STK3: variants seen among roughly 807,000 people sequenced by gnomAD.
STK3 encodes serine/threonine-protein kinase 3.
Under a neutral mutation model 58.0 loss-of-function variants are expected in STK3, and 41 were observed. That is an observed-to-expected ratio of 0.71 (90% CI 0.55 to 0.92). STK3 has a LOEUF of 0.92. Among genes scored for constraint, STK3 ranks in the 40% least tolerant of loss-of-function variants. STK3 has a pLI of 0.00. For synonymous variants in STK3, 170 were observed against 191.0 expected (o/e 0.89, Z 0.91); for missense variants, 479 against 602.7 (o/e 0.79, Z 2.15).
intron 9 of STK3, among the ~76,000 whole-genome samples, chr8:98,536,655 CA>C (rs1157797458): frequency 2.0e-5 from 3 of 152,138 alleles, no homozygotes; most frequent in African/African-American, 7.2e-5. Flanking sequence ...CTAATGACAT[CA>C]TGAACTCACT....
chr8:98,452,757 A>AT (rs11329886), downstream of STK3, among the ~76,000 whole-genome samples: 74 of 110,446 alleles, frequency 6.7e-4, no homozygotes, highest in East Asian at 1.5e-3. Context: ...AGACTTGAAG[A>AT]TTTTTTTTTT....
chr8:98,589,515 G>C (rs940346377), intron 7 of STK3, among the ~76,000 whole-genome samples: 2 of 152,102 alleles, frequency 1.3e-5, no homozygotes. Context: ...GTCAGACAGG[G>C]ACATTTAAGT....
chr8:98,758,809 T>C (rs568220788), intron 3 of STK3, among the ~76,000 whole-genome samples: 1 of 152,388 alleles, frequency 6.6e-6, no homozygotes, highest in African/African-American at 2.4e-5. Flanking sequence ...GCAGCTTCTA[T>C]TTCAGCACTT....
rs1054671142 is a variant in STK3 at position 98,918,618 on chromosome 8, A to C, written c.-79+23760T>G. ...GACCCCGACTCTACAAAAAATAAAAAATTAGCTGTGGTGGTGGCATGAACC... is the reference window on the plus strand; with the variant it reads ...GACCCCGACTCTACAAAAAATAAAACATTAGCTGTGGTGGTGGCATGAACC... On this transcript the variant is annotated intron_variant, in intron 1 of 1. Transcript: ENST00000519420. 1.3e-4 allele frequency among the ~76,000 whole-genome samples: 19 copies of C among 151,996 alleles called. 1 individual carries two copies. The highest frequency in any genetic ancestry group is 4.4e-4 in the African/African-American group (18 of 41,360).
At chr8:98,376,083 G>T (rs1023114608) in intron 2 of STK3, among the ~76,000 whole-genome samples, 1 of 152,130 alleles carries the variant, frequency 6.6e-6, no homozygotes, top group South Asian at 2.1e-4. Flanking sequence ...TCAGCACTTG[G>T]TGCTATCAGT....
intron 3 of STK3, among the ~76,000 whole-genome samples, chr8:98,764,174 G>A (rs1266828495): frequency 1.3e-5 from 2 of 152,112 alleles, no homozygotes; most frequent in Non-Finnish European, 2.9e-5. Flanking sequence ...TATGTGCAAG[G>A]CATTCTGCTA....
rs189880511 is a variant in STK3, at chr8:98,867,233, T to C, written c.110+16414A>G. ...GAGTTGGAGACCAGCCTGGGCAACATGGTGAAACCCTGCCTCTACAAAAAA... is the reference window on the plus strand; with the variant it reads ...GAGTTGGAGACCAGCCTGGGCAACACGGTGAAACCCTGCCTCTACAAAAAA... On this transcript the variant is annotated intron_variant, in intron 3 of 12. Transcript: ENST00000523601. 7.8e-3 allele frequency among the ~76,000 whole-genome samples: 1,180 copies of C among 152,216 alleles called. 9 individuals carry two copies. The highest frequency in any genetic ancestry group is 0.021 in the African/African-American group (852 of 41,540).
chr8:98,872,381 T>C (rs1837409997), intron 3 of STK3, among the ~76,000 whole-genome samples: 1 of 152,214 alleles, frequency 6.6e-6, no homozygotes, highest in South Asian at 2.1e-4. Flanking sequence ...GAGGATTCAC[T>C]CTTGTTCTAT....
At chr8:98,918,647 G>A (rs1839435452) in intron 1 of STK3, among the ~76,000 whole-genome samples, 2 of 151,956 alleles carry the variant, frequency 1.3e-5, no homozygotes, top group Admixed American at 6.6e-5. Context: ...ATGAACCTGT[G>A]GTCTCAGCTA....
At chr8:98,516,523 T>A (rs1247039579) in intron 10 of STK3, among the ~76,000 whole-genome samples, 1 of 152,060 alleles carries the variant, frequency 6.6e-6, no homozygotes, top group Non-Finnish European at 1.5e-5. Flanking sequence ...ATTTGCAGAC[T>A]TGAGCTATAA....
chr8:98,778,532 A>G (rs1253169571), intron 1 of STK3, among the ~76,000 whole-genome samples: 13 of 152,204 alleles, frequency 8.5e-5, no homozygotes, highest in Admixed American at 7.2e-4. Flanking sequence ...ATTACTGGGT[A>G]TATACCCAAA....
the STK3 span, among the ~76,000 whole-genome samples, chr8:98,350,848 C>A: frequency 2.6e-5 from 4 of 152,168 alleles, no homozygotes; most frequent in Admixed American, 2.6e-4. Context: ...ATGGGAGCTA[C>A]AACTCAAAAT....
At chr8:98,900,820 C>G (rs1838629587) in intron 1 of STK3, among the ~76,000 whole-genome samples, 1 of 151,866 alleles carries the variant, frequency 6.6e-6, no homozygotes, top group African/African-American at 2.4e-5. Context: ...CGCCATGACA[C>G]CAAGCTAATT....
At chr8:98,650,137 T>A (rs1357855537) in intron 6 of STK3, among the ~76,000 whole-genome samples, 1 of 152,252 alleles carries the variant, frequency 6.6e-6, no homozygotes. Context: ...ACCTTTTGGA[T>A]ATCATAAGCA....
intron 6 of STK3, among the ~76,000 whole-genome samples, chr8:98,617,670 G>C (rs2130330021): frequency 6.6e-6 from 1 of 151,914 alleles, no homozygotes; most frequent in Admixed American, 6.5e-5. Flanking sequence ...TACCATCAGA[G>C]AATACTACAA....
intron 3 of STK3, among the ~76,000 whole-genome samples, chr8:98,840,050 G>A (rs573284297): frequency 9.2e-4 from 140 of 152,094 alleles, no homozygotes; most frequent in African/African-American, 3.1e-3. Context: ...AAAGAGTAAG[G>A]GCATTAAAAA....
At chr8:98,851,305 A>G (rs1836459715) in intron 3 of STK3, among the ~76,000 whole-genome samples, 1 of 152,202 alleles carries the variant, frequency 6.6e-6, no homozygotes, top group South Asian at 2.1e-4. Context: ...AACTGAAGCC[A>G]TTCTCATCTT....
chr8:98,777,297 T>G (rs763262384), intron 1 of STK3, among the ~76,000 whole-genome samples: 9 of 151,916 alleles, frequency 5.9e-5, no homozygotes, highest in Non-Finnish European at 1.3e-4. Context: ...GAGGCCGAGG[T>G]AGGCGTATCC....
At chr8:98,568,375 AT>A (rs1428506846) in intron 8 of STK3, among the ~76,000 whole-genome samples, 13 of 152,344 alleles carry the variant, frequency 8.5e-5, no homozygotes, top group African/African-American at 3.1e-4. Flanking sequence ...AAACAGATAA[AT>A]ATGTAAGCAG....
Sources: allele counts gnomAD v4.1 joint callset (sites outside exome capture counted in the v4.1 genomes callset), GRCh38; gene constraint gnomAD v4.1.1; transcripts MANE v1.5; gene names NCBI Gene and HGNC (gene_info 2026-07-23, HGNC 2026-07-21).